The following CCNY variants were observed in gnomAD, a reference collection of about 807,000 sequenced individuals.
CCNY encodes the protein cyclin Y, also known as cyclin-Y.
A neutral mutation model predicts 42.8 loss-of-function variants in CCNY; 19 were observed. The observed-to-expected ratio is 0.44, with a 90% CI of 0.31 to 0.65. CCNY has a LOEUF of 0.65. Ranked by LOEUF, CCNY falls within the 30% of genes least tolerant of loss-of-function variation. CCNY has a pLI of 0.07. For synonymous variants in CCNY, 165 were observed against 162.7 expected, an observed-to-expected ratio of 1.01 and a Z score of -0.11; for missense variants, 370 against 437.3, an observed-to-expected ratio of 0.85 and a Z score of 1.37.
At chr10:35,264,348 G>A (rs2095722745) in intron 3 of CCNY, among the ~76,000 whole-genome samples, 1 of 152,032 alleles carries the variant, frequency 6.6e-6, no homozygotes, top group Non-Finnish European at 1.5e-5. Context: ...TAACTCGTCA[G>A]GTCAAATGGT....
In CCNY at chr10:35,336,556, C is replaced by T. The variant is rs1589041972; in HGVS notation, c.-498C>T. Among the ~76,000 whole-genome samples the T allele has an allele frequency of 6.7e-6, 1 of 148,818 alleles. No homozygotes were observed. The highest frequency in any genetic ancestry group is 2.1e-4 in the South Asian group (1 of 4,822). ...CGCGCCGCGAGGAGTCCGGGGGCTG[C>T]GCCCACGCCCGCTGCCCGCCCGCTC... On this transcript the variant is annotated 5_prime_UTR_variant, in exon 1 of 10. Transcript: ENST00000374704.
chr10:35,556,835 A>G (rs1841371402), intron 8 of CCNY, among the ~76,000 whole-genome samples: 1 of 150,130 alleles, frequency 6.7e-6, no homozygotes, highest in Admixed American at 6.6e-5. Flanking sequence ...AAAATTTTAT[A>G]TCCTCACTAC....
In CCNY at chr10:35,413,655, G is replaced by A. The variant is rs534189630; in HGVS notation, c.155-69749G>A. On this transcript the variant is annotated intron_variant, in intron 1 of 9. Coordinates refer to ENST00000374704, the MANE Select transcript of CCNY (RefSeq NM_145012.6). The stretch of plus-strand genomic sequence containing the variant: ...GATTTAGAGGGGATATTCTTACAGC[G>A]AGAGCACAACCAGGGAAGGTGATGT... Among the ~76,000 whole-genome samples, 28 of 152,356 alleles carry A rather than the reference G, an allele frequency of 1.8e-4. No homozygotes were observed. The East Asian group carries it at 3.9e-3, about 21-fold the overall frequency.
intron 1 of CCNY, among the ~76,000 whole-genome samples, chr10:35,454,090 C>T (rs552006480): frequency 6.6e-6 from 1 of 152,254 alleles, no homozygotes; most frequent in East Asian, 1.9e-4. Flanking sequence ...GGCTTATTTC[C>T]CTGACTGCTT....
At chr10:35,339,450 A>G (rs750411617) in intron 1 of CCNY, among the ~76,000 whole-genome samples, 7 of 152,286 alleles carry the variant, frequency 4.6e-5, no homozygotes, top group African/African-American at 7.2e-5. Context: ...ATATACATCT[A>G]TATGTCTGTA....
At chr10:35,283,147 G>A (rs1835316155) in intron 3 of CCNY, among the ~76,000 whole-genome samples, 1 of 152,130 alleles carries the variant, frequency 6.6e-6, no homozygotes, top group Non-Finnish European at 1.5e-5. Flanking sequence ...CTCTGCTGGT[G>A]AACATATTTC....
intron 1 of CCNY, among the ~76,000 whole-genome samples, chr10:35,480,068 A>G (rs1839632041): frequency 6.6e-6 from 1 of 152,006 alleles, no homozygotes; most frequent in East Asian, 1.9e-4. Flanking sequence ...AGTTTTCTTC[A>G]AGATCTGGCC....
At chr10:35,472,655 A>G (rs554959007) in intron 1 of CCNY, among the ~76,000 whole-genome samples, 42 of 152,278 alleles carry the variant, frequency 2.8e-4, no homozygotes, top group African/African-American at 9.9e-4. Context: ...GGCCCTGACA[A>G]CCTCTCAGTA....
At chr10:35,466,014 C>CG (rs1393957755) in intron 1 of CCNY, among the ~76,000 whole-genome samples, 1 of 150,774 alleles carries the variant, frequency 6.6e-6, no homozygotes, top group Non-Finnish European at 1.5e-5. Flanking sequence ...TCCTTGAGAG[C>CG]GAGGACTGGA....
intron 1 of CCNY, among the ~76,000 whole-genome samples, chr10:35,402,312 C>T (rs188704326): frequency 1.3e-5 from 2 of 152,014 alleles, no homozygotes; most frequent in South Asian, 2.1e-4. Context: ...ACACAAGGTC[C>T]GAATAAAAGA....
chr10:35,299,806 A>G (rs1347753298), intron 3 of CCNY, among the ~76,000 whole-genome samples: 2 of 152,010 alleles, frequency 1.3e-5, no homozygotes, highest in African/African-American at 2.4e-5. Context: ...TTTGTTTTCT[A>G]TTTATACCAT....
At position 35,570,503 on chromosome 10, in the gene CCNY, G is replaced by C. The variant is rs1431167227; in HGVS notation, c.*1333G>C. On this transcript the variant is annotated 3_prime_UTR_variant, in exon 10 of 10. Transcript: ENST00000374704. ...TATATCAAGTAAAATGAAAGTTGAT[G>C]ATAGAATATCAAATAGTGAATTTGA... The C allele has an allele frequency of 6.6e-6, 1 of 152,304 alleles. No homozygotes were observed. The highest frequency in any genetic ancestry group is 2.4e-5 in the African/African-American group (1 of 41,444). 9.4% of individuals were successfully genotyped at this position (152,304 alleles called of 1,614,324 possible).
intron 1 of CCNY, among the ~76,000 whole-genome samples, chr10:35,467,419 A>G (rs1019605028): frequency 2.0e-5 from 3 of 152,192 alleles, no homozygotes; most frequent in Non-Finnish European, 2.9e-5. Flanking sequence ...GCCACTTGAC[A>G]TGTGACAACT....
At chr10:35,323,849 T>C (rs2135098088) in intron 3 of CCNY, among the ~76,000 whole-genome samples, 1 of 152,176 alleles carries the variant, frequency 6.6e-6, no homozygotes, top group Non-Finnish European at 1.5e-5. Context: ...TGAAACCCTG[T>C]CTCTACTAAA....
chr10:35,542,928 G>GTC (rs1201526141), intron 7 of CCNY, among the ~76,000 whole-genome samples: 1 of 152,228 alleles, frequency 6.6e-6, no homozygotes, highest in Admixed American at 6.5e-5. Flanking sequence ...GTGACAGGGA[G>GTC]TCTAAGAGTT....
At chr10:35,357,108 A>T (rs1836571176) in intron 1 of CCNY, among the ~76,000 whole-genome samples, 1 of 57,304 alleles carries the variant, frequency 1.7e-5, no homozygotes, top group South Asian at 4.6e-4. Context: ...GGCATCCCGC[A>T]TCACCCCGCA....
chr10:35,309,704 A>G (rs1289406110), intron 3 of CCNY, among the ~76,000 whole-genome samples: 1 of 152,192 alleles, frequency 6.6e-6, no homozygotes, highest in African/African-American at 2.4e-5. Flanking sequence ...TGCAGGCATG[A>G]GCCACTGTGC....
At chr10:35,247,594 G>T (rs1011987526) in intron 1 of CCNY, among the ~76,000 whole-genome samples, 11 of 147,738 alleles carry the variant, frequency 7.4e-5, no homozygotes, top group African/African-American at 2.8e-4. Context: ...TCTAGATAAA[G>T]AAATAAATGA....
chr10:35,343,382 C>CTTTTTTTTTTTT (rs9299720), intron 1 of CCNY, among the ~76,000 whole-genome samples: 3 of 85,916 alleles, frequency 3.5e-5, no homozygotes, highest in African/African-American at 5.0e-5. Flanking sequence ...AGCTGATGGT[C>CTTTTTTTTTTTT]TTTTTTTTTT....
Sources: gnomAD v4.1 joint callset for allele counts (sites outside exome capture counted in the v4.1 genomes callset) on GRCh38, gnomAD v4.1.1 for gene constraint, MANE v1.5 for transcripts, NCBI Gene and HGNC (gene_info 2026-07-23, HGNC 2026-07-21) for gene names.